The following FHIT variants were observed in gnomAD, a reference collection of about 807,000 sequenced individuals.
The protein encoded by FHIT is bis(5'-adenosyl)-triphosphatase.
Under a neutral mutation model 17.9 loss-of-function variants are expected in FHIT, and 19 were observed. The observed-to-expected ratio is 1.06, with a 90% CI of 0.74 to 1.56. FHIT has a LOEUF of 1.56. Ranked by LOEUF, FHIT falls within the 40% of genes most tolerant of loss-of-function variation. The pLI, the probability that FHIT is intolerant of heterozygous loss-of-function variation, is 0.00. For synonymous variants in FHIT, 81 were observed against 69.7 expected (o/e 1.16, Z -0.81); for missense variants, 248 against 189.2 (o/e 1.31, Z -1.82).
chr3:60,017,712 C>G (rs1700397452), intron 5 of FHIT, among the ~76,000 whole-genome samples: 1 of 152,216 alleles, frequency 6.6e-6, no homozygotes. Flanking sequence ...TCTTTTTGAA[C>G]ATGAACACTT....
Position 61,136,916 on chromosome 3 carries a change from T to C in FHIT, c.-164+63701A>G, listed in dbSNP as rs192852376. 6.6e-5 allele frequency among the ~76,000 whole-genome samples: 10 copies of C among 152,362 alleles called. No individual in the cohort carries two copies. The East Asian group carries it at 1.9e-3, about 29-fold the overall frequency. On this transcript the variant is annotated intron_variant, in intron 2 of 9. Coordinates refer to ENST00000492590, the MANE Select transcript of FHIT (RefSeq NM_002012.4). ...CAACCATGTGCAAAAACAGGTGTGT[T>C]TGAGGACAACTAGAAGATAAGGTGG...
rs1186705722 is a variant in FHIT at position 60,422,087 on chromosome 3, A to C, written c.103+114773T>G. 1.3e-4 allele frequency among the ~76,000 whole-genome samples: 20 copies of C among 152,170 alleles called. 1 individual carries two copies. Among genetic ancestry groups the C allele is most frequent in the Admixed American group, 1.3e-3 (20 of 15,278 alleles). On this transcript the variant is annotated intron_variant, in intron 5 of 9. Coordinates refer to ENST00000492590, the MANE Select transcript of FHIT (RefSeq NM_002012.4). ...CCTCTGCATTTTAAAATTTCTGACC[A>C]GCTGTCAATTTTGTCCATCAAAATC... is the stretch of plus-strand genomic sequence containing the variant.
At chr3:60,547,790 G>A (rs1321669611) in intron 4 of FHIT, among the ~76,000 whole-genome samples, 2 of 149,756 alleles carry the variant, frequency 1.3e-5, no homozygotes, top group Non-Finnish European at 3.0e-5. Flanking sequence ...CTCAGTGGAT[G>A]TGTTCAGTCA....
At chr3:60,774,306 T>G (rs1453693147) in intron 4 of FHIT, among the ~76,000 whole-genome samples, 2 of 152,166 alleles carry the variant, frequency 1.3e-5, no homozygotes, top group Non-Finnish European at 2.9e-5. Context: ...ATTTAATTAA[T>G]TTATTCTTTT....
chr3:60,854,377 C>T (rs781848468), intron 3 of FHIT, among the ~76,000 whole-genome samples: 1 of 152,158 alleles, frequency 6.6e-6, no homozygotes, highest in Admixed American at 6.6e-5. Context: ...CTTTCAGATG[C>T]ATTAATTGCA....
chr3:60,216,900 G>A lies in FHIT; in HGVS notation c.104-202748C>T, dbSNP rs181636898. On this transcript the variant is annotated intron_variant, in intron 5 of 9. Coordinates refer to ENST00000492590, the MANE Select transcript of FHIT (RefSeq NM_002012.4). ...TCCAAACAGCTGTCTTCCCTTCCTG[G>A]CAGAAACTCCCTGACATCTGGATAC... Among the ~76,000 whole-genome samples the A allele has an allele frequency of 2.3e-4, 35 of 151,936 alleles. No homozygotes were observed. The East Asian group carries it at 6.8e-3, about 29-fold the overall frequency.
chr3:60,269,997 G>T (rs1230359534), intron 5 of FHIT, among the ~76,000 whole-genome samples: 9 of 152,108 alleles, frequency 5.9e-5, no homozygotes, highest in Admixed American at 5.9e-4. Context: ...AAATGACCAG[G>T]CCTCATACGA....
At chr3:60,139,692 G>A (rs1423317719) in intron 5 of FHIT, among the ~76,000 whole-genome samples, 3 of 152,236 alleles carry the variant, frequency 2.0e-5, no homozygotes, top group Admixed American at 2.0e-4. Context: ...ATAGCACAGT[G>A]CCTGGCCCAT....
At chr3:60,311,550 C>A (rs931593143) in intron 5 of FHIT, among the ~76,000 whole-genome samples, 1 of 152,200 alleles carries the variant, frequency 6.6e-6, no homozygotes, top group African/African-American at 2.4e-5. Context: ...GGCAAAGAAT[C>A]TAGCTCATTA....
rs145747741 is a variant in FHIT at position 60,851,376 on chromosome 3, A to G, written c.-110-29365T>C. Among the ~76,000 whole-genome samples, 221 of 152,256 alleles carry G rather than the reference A, an allele frequency of 1.5e-3. 2 individuals carry two copies. The highest frequency in any genetic ancestry group is 5.2e-3 in the African/African-American group (216 of 41,540). On this transcript the variant is annotated intron_variant, in intron 3 of 9. Transcript: ENST00000492590. ...ATTTACTAGGCATATATTTTTTCATATATAACAGAAAATGTCAACACTGGA... is the reference window on the plus strand; with the variant it reads ...ATTTACTAGGCATATATTTTTTCATGTATAACAGAAAATGTCAACACTGGA...
Position 59,987,649 on chromosome 3 carries a change from A to G in FHIT, c.279+23722T>C, listed in dbSNP as rs1002608071. On this transcript the variant is annotated intron_variant, in intron 7 of 9. Coordinates refer to ENST00000492590, the MANE Select transcript of FHIT (RefSeq NM_002012.4). The stretch of plus-strand genomic sequence containing the variant: ...GCTGACTCTTTCCTCTCTGCCTTTA[A>G]TTAATAAGGAAAGCTTAATATGCAC... Among the ~76,000 whole-genome samples, 5 of 151,878 alleles carry G rather than the reference A, an allele frequency of 3.3e-5. No individual in the cohort carries two copies. The Admixed American group carries it at 3.3e-4, about 10-fold the overall frequency.
intron 5 of FHIT, among the ~76,000 whole-genome samples, chr3:60,281,641 TAC>T (rs1707461309): frequency 1.4e-5 from 2 of 147,114 alleles, no homozygotes; most frequent in Middle Eastern, 3.6e-3. Flanking sequence ...AGGGGGGATC[TAC>T]ACACAGACCT....
intron 4 of FHIT, among the ~76,000 whole-genome samples, chr3:60,665,395 G>A (rs557417466): frequency 6.6e-6 from 1 of 151,978 alleles, no homozygotes; most frequent in South Asian, 2.1e-4. Flanking sequence ...AAATATAATT[G>A]ATGATTTATT....
chr3:61,071,127 T>G (rs1392162337), intron 2 of FHIT, among the ~76,000 whole-genome samples: 1 of 152,180 alleles, frequency 6.6e-6, no homozygotes, highest in Non-Finnish European at 1.5e-5. Context: ...CATAATGAAC[T>G]CAGCAATCCC....
chr3:59,760,700 G>C (rs1701466418), intron 8 of FHIT, among the ~76,000 whole-genome samples: 1 of 152,036 alleles, frequency 6.6e-6, no homozygotes, highest in African/African-American at 2.4e-5. Context: ...AAATATCAAA[G>C]GTAGTCACTT....
intron 4 of FHIT, among the ~76,000 whole-genome samples, chr3:60,616,607 C>G (rs2038958874): frequency 7.0e-6 from 1 of 142,046 alleles, no homozygotes; most frequent in Non-Finnish European, 1.6e-5. Context: ...AATTTAAATA[C>G]TTAGGTATAA....
intron 5 of FHIT, among the ~76,000 whole-genome samples, chr3:60,136,589 G>C (rs534351262): frequency 6.6e-6 from 1 of 152,090 alleles, no homozygotes; most frequent in Non-Finnish European, 1.5e-5. Flanking sequence ...ATAGGGGTTC[G>C]GTTTTAGACT....
intron 4 of FHIT, among the ~76,000 whole-genome samples, chr3:60,711,267 C>A (rs2041522744): frequency 6.6e-6 from 1 of 152,138 alleles, no homozygotes; most frequent in African/African-American, 2.4e-5. Context: ...ACCAAAAACC[C>A]ATCTGTACAT....
rs538244663 is a variant in FHIT at position 61,238,913 on chromosome 3, G to A, written c.-213+12388C>T. Among the ~76,000 whole-genome samples, 33 of 152,260 alleles carry A rather than the reference G, an allele frequency of 2.2e-4. 1 individual carries two copies. Among genetic ancestry groups the A allele is most frequent in the African/African-American group, 7.2e-4 (30 of 41,558 alleles). On this transcript the variant is annotated intron_variant, in intron 1 of 9. Transcript: ENST00000492590. ...TCAGGAGGGATATGGATGTGATACC[G>A]CATTAGGGGGCAGAAGTGGGTATCG... is the stretch of plus-strand genomic sequence containing the variant.
Sources: gnomAD v4.1 joint callset for allele counts (sites outside exome capture counted in the v4.1 genomes callset) on GRCh38, gnomAD v4.1.1 for gene constraint, MANE v1.5 for transcripts, NCBI Gene and HGNC (gene_info 2026-07-23, HGNC 2026-07-21) for gene names.